The following LMOD3 variants were observed in gnomAD, a reference collection of about 807,000 sequenced individuals.
LMOD3 encodes leiomodin 3, also known as leiomodin-3.
Under a neutral mutation model 41.8 loss-of-function variants are expected in LMOD3, and 31 were observed. The ratio of observed to expected loss-of-function variants is 0.74; its 90% confidence interval spans 0.56 to 1.00. LMOD3 has a LOEUF of 1.00. Ranked by LOEUF, LMOD3 falls within the 50% of genes least tolerant of loss-of-function variation. The pLI, the probability that LMOD3 is intolerant of heterozygous loss-of-function variation, is 0.00. For missense variants in LMOD3, 755 were observed against 679.5 expected, an observed-to-expected ratio of 1.11 and a Z score of -1.23; for synonymous variants, 292 against 241.9, an observed-to-expected ratio of 1.21 and a Z score of -1.92.
intron 2 of LMOD3, among the ~76,000 whole-genome samples, chr3:69,114,795 C>T (rs1053002495): frequency 1.3e-5 from 2 of 152,094 alleles, no homozygotes; most frequent in Middle Eastern, 3.2e-3. Context: ...CCGCACCCAG[C>T]CTAAAAAAGA....
In LMOD3 at chr3:69,118,872, G is replaced by T. The variant is rs749726841; in HGVS notation, c.1483C>A (p.Arg495Ser). ...CTGGCTTCCGGCATCCGAGATTTGC[G>T]CTGGATTCTCTTCAGCTTCACCACC... is the stretch of plus-strand genomic sequence containing the variant. ...FRVVKLKRIQRKSRMPEAREP... is the reference protein window; with the variant it reads ...FRVVKLKRIQSKSRMPEAREP... Residue 495 changes from arginine (R) to serine (S), a missense_variant, in exon 2 of 3, where the codon CGC becomes AGC. Transcript: ENST00000420581. The T allele has an allele frequency of 3.8e-5, 61 of 1,610,788 alleles. No homozygotes were observed. The highest frequency in any genetic ancestry group is 5.0e-5 in the Non-Finnish European group (59 of 1,179,304).
intron 2 of LMOD3, among the ~76,000 whole-genome samples, chr3:69,117,808 A>G (rs902269957): frequency 4.6e-5 from 7 of 151,234 alleles, no homozygotes; most frequent in Admixed American, 1.3e-4. Context: ...TCCATTATCT[A>G]CAAACAACTG....
At position 69,115,511 on chromosome 3, in the gene LMOD3, CACACACAA is replaced by C. The variant is rs1450862762; in HGVS notation, c.1656+3180_1656+3187del. Among the ~76,000 whole-genome samples, 10 of 134,788 alleles carry C rather than the reference CACACACAA, an allele frequency of 7.4e-5. 1 individual carries two copies. In the East Asian group the frequency reaches 1.6e-3, roughly 22 times the overall value. The allele number at this position is 134,788 out of a possible 152,430, so 88.4% of individuals were successfully genotyped here. On this transcript the variant is annotated intron_variant, in intron 2 of 2. Coordinates refer to ENST00000420581, the MANE Select transcript of LMOD3 (RefSeq NM_198271.5). ...ACACACACACACACACACACACACA[CACACACAA>C]AACTTTTCTAAGAAAAAAATTTGTT...
At chr3:69,115,041 A>C (rs1394136999) in intron 2 of LMOD3, among the ~76,000 whole-genome samples, 2 of 151,998 alleles carry the variant, frequency 1.3e-5, no homozygotes, top group Non-Finnish European at 2.9e-5. Flanking sequence ...AACTTTTAAA[A>C]ATGTTTTGTA....
intron 2 of LMOD3, among the ~76,000 whole-genome samples, chr3:69,113,363 T>C (rs984043759): frequency 1.3e-5 from 2 of 152,086 alleles, no homozygotes; most frequent in Non-Finnish European, 2.9e-5. Flanking sequence ...GGAGAAAATT[T>C]CCCATTATGT....
chr3:69,109,546 G>A (rs1390840958), intron 2 of LMOD3, among the ~76,000 whole-genome samples: 1 of 14,168 alleles, frequency 7.1e-5, no homozygotes, highest in Non-Finnish European at 1.5e-4. Context: ...TTTTTTTTTT[G>A]AGATGGAGTC....
Position 69,118,723 on chromosome 3 carries a change from G to T in LMOD3, c.1632C>A (p.His544Gln). Residue 544 changes from histidine (H) to glutamine (Q), a missense_variant, in exon 2 of 3, where the codon CAC (histidine) becomes CAA (glutamine). By Grantham distance (24) the His-to-Gln change is conservative (BLOSUM62 0). Transcript: ENST00000420581. ...PRDQLLNDIR[H>Q]SSVAYLKPVQ... is the part of the protein sequence containing the mutation. ...CAGGTTTAAGATAGGCGACACTGCT[G>T]TGACGAATGTCGTTTAGCAGCTGAT... 1 of 1,612,912 alleles carries T rather than the reference G, an allele frequency of 6.2e-7. No individual in the cohort carries two copies. Among genetic ancestry groups the T allele is most frequent in the Non-Finnish European group, 8.5e-7 (1 of 1,179,670 alleles).
rs1559657218 is a variant in LMOD3, at chr3:69,108,589, T to A, written c.*506A>T. On this transcript the variant is annotated 3_prime_UTR_variant, in exon 3 of 3. Coordinates refer to ENST00000420581, the MANE Select transcript of LMOD3 (RefSeq NM_198271.5). ...GAAGCTCTAAGGAACAATCCTTCCA[T>A]TTCAAAGCATCAGAAGGGCCAGGAG... is the stretch of plus-strand genomic sequence containing the variant. 2 of 152,888 alleles carry A rather than the reference T, an allele frequency of 1.3e-5. No individual in the cohort carries two copies. The highest frequency in any genetic ancestry group is 1.5e-5 in the Non-Finnish European group (1 of 68,212). The allele number at this position is 152,888 out of a possible 1,614,324, so 9.5% of individuals were successfully genotyped here.
intron 2 of LMOD3, among the ~76,000 whole-genome samples, chr3:69,112,363 C>T (rs534466055): frequency 2.6e-4 from 39 of 152,324 alleles, no homozygotes; most frequent in African/African-American, 8.7e-4. Flanking sequence ...AGTGGATGTC[C>T]AGGACAGAGA....
At chr3:69,113,257 G>C (rs993984504) in intron 2 of LMOD3, among the ~76,000 whole-genome samples, 1 of 152,180 alleles carries the variant, frequency 6.6e-6, no homozygotes, top group Non-Finnish European at 1.5e-5. Context: ...GAGCAGCTTG[G>C]TTTGGGGACA....
chr3:69,118,592 G>T (rs1031384541), intron 2 of LMOD3, 107 bp downstream of exon 2: 86 of 1,280,620 alleles, frequency 6.7e-5, no homozygotes, highest in Admixed American at 3.8e-4. Context: ...CCCCCAGTTG[G>T]TCTCAATTAG....
chr3:69,106,570 A>G lies in LMOD3; in HGVS notation c.*2525T>C, dbSNP rs891055712. Reference sequence around the variant, plus strand: ...AACCTGTGTATTGAGGCCATAAGCTATGAAATTGGATCATCTTTTCTTCTT... The same window carrying G: ...AACCTGTGTATTGAGGCCATAAGCTGTGAAATTGGATCATCTTTTCTTCTT... On this transcript the variant is annotated 3_prime_UTR_variant, in exon 3 of 3. Coordinates refer to ENST00000420581, the MANE Select transcript of LMOD3 (RefSeq NM_198271.5). 2.0e-5 allele frequency among the ~76,000 whole-genome samples: 3 copies of G among 152,180 alleles called. No individual in the cohort carries two copies. The highest frequency in any genetic ancestry group is 7.2e-5 in the African/African-American group (3 of 41,446).
intron 2 of LMOD3, among the ~76,000 whole-genome samples, chr3:69,109,893 G>A (rs531884762): frequency 3.3e-5 from 5 of 152,086 alleles, no homozygotes; most frequent in Non-Finnish European, 2.9e-5. Flanking sequence ...ATGGCTCAGA[G>A]AAGACAATAA....
chr3:69,116,927 G>T (rs974184566), intron 2 of LMOD3, among the ~76,000 whole-genome samples: 1 of 152,210 alleles, frequency 6.6e-6, no homozygotes, highest in African/African-American at 2.4e-5. Flanking sequence ...CTTTGGCACA[G>T]ATTTTTTCAA....
chr3:69,110,569 G>C (rs1430868644), intron 2 of LMOD3, among the ~76,000 whole-genome samples: 1 of 150,368 alleles, frequency 6.7e-6, no homozygotes, highest in African/African-American at 2.4e-5. Flanking sequence ...AAGGCTGGGC[G>C]CGGTGGCTGA....
At chr3:69,115,000 G>A (rs1012225049) in intron 2 of LMOD3, among the ~76,000 whole-genome samples, 1 of 152,050 alleles carries the variant, frequency 6.6e-6, no homozygotes, top group African/African-American at 2.4e-5. Flanking sequence ...TGTGTAGCTG[G>A]TACCACAGGT....
At chr3:69,110,713 C>T (rs1294778847) in intron 2 of LMOD3, among the ~76,000 whole-genome samples, 4 of 147,050 alleles carry the variant, frequency 2.7e-5, no homozygotes, top group East Asian at 2.1e-4. Context: ...CGTGGTGGCA[C>T]GTGCCTGTAA....
chr3:69,107,935 C>G lies in LMOD3; in HGVS notation c.*1160G>C, dbSNP rs2092330708. The G allele has an allele frequency of 6.6e-6, 1 of 152,114 alleles. No individual in the cohort carries two copies. The highest frequency in any genetic ancestry group is 1.5e-5 in the Non-Finnish European group (1 of 68,056). 9.4% of individuals were successfully genotyped at this position (152,114 alleles called of 1,614,324 possible). A position where few individuals can be genotyped will look rare whatever the true frequency, so the allele number is the denominator to read the frequency against. ...TCTGGAAAATTTTTTATGGAGGACA[C>G]AGGATCTGACCCGGGAGTTGAAGAC... On this transcript the variant is annotated 3_prime_UTR_variant, in exon 3 of 3. Coordinates refer to ENST00000420581, the MANE Select transcript of LMOD3 (RefSeq NM_198271.5).
At chr3:69,115,918 T>G (rs2107523986) in intron 2 of LMOD3, among the ~76,000 whole-genome samples, 1 of 152,322 alleles carries the variant, frequency 6.6e-6, no homozygotes, top group African/African-American at 2.4e-5. Flanking sequence ...ACTCATACTA[T>G]TATTACCTCC....
Sources: allele counts gnomAD v4.1 joint callset (sites outside exome capture counted in the v4.1 genomes callset), GRCh38; gene constraint gnomAD v4.1.1; transcripts MANE v1.5; gene names NCBI Gene and HGNC (gene_info 2026-07-23, HGNC 2026-07-21).